XKR9: variants seen among roughly 807,000 people sequenced by gnomAD.
The protein encoded by XKR9 is XK-related protein 9.
Under a neutral mutation model 32.0 loss-of-function variants are expected in XKR9, and 32 were observed. The observed-to-expected ratio is 1.00, with a 90% CI of 0.76 to 1.34. XKR9 has a LOEUF of 1.34. Ranked by LOEUF, XKR9 falls within the 40% of genes most tolerant of loss-of-function variation. XKR9 has a pLI of 0.00. For synonymous variants in XKR9, 168 were observed against 143.4 expected (o/e 1.17, Z -1.22); for missense variants, 546 against 429.7 (o/e 1.27, Z -2.39).
At chr8:71,004,955 C>T in the XKR9 span, among the ~76,000 whole-genome samples, 2 of 149,542 alleles carry the variant, frequency 1.3e-5, no homozygotes, top group African/African-American at 4.9e-5. Context: ...TCAGTCTCCT[C>T]AGTAGCTAGG....
At chr8:70,970,348 T>G in the XKR9 span, among the ~76,000 whole-genome samples, 1 of 152,150 alleles carries the variant, frequency 6.6e-6, no homozygotes, top group African/African-American at 2.4e-5. Flanking sequence ...CTTTAAGTTC[T>G]GTGGTACATG....
the XKR9 span, among the ~76,000 whole-genome samples, chr8:70,841,067 G>A: frequency 1.3e-5 from 2 of 151,928 alleles, no homozygotes; most frequent in East Asian, 1.9e-4. Context: ...TGAAAAACAG[G>A]CTTTTGTTTT....
intron 2 of XKR9, among the ~76,000 whole-genome samples, chr8:70,782,085 G>T (rs1304721312): frequency 6.6e-6 from 1 of 152,150 alleles, no homozygotes; most frequent in Admixed American, 6.6e-5. Flanking sequence ...AAGTCCTGCA[G>T]AGGCTGTCAC....
chr8:70,673,290 C>G (rs969764728), intron 1 of XKR9, among the ~76,000 whole-genome samples: 2 of 152,178 alleles, frequency 1.3e-5, no homozygotes, highest in African/African-American at 4.8e-5. Flanking sequence ...CTTTCACTTG[C>G]ACTTTCCTTC....
At chr8:70,849,677 G>C in the XKR9 span, among the ~76,000 whole-genome samples, 1 of 152,122 alleles carries the variant, frequency 6.6e-6, no homozygotes, top group Non-Finnish European at 1.5e-5. Context: ...AATGAATCCA[G>C]GAGCTGGTTT....
Position 70,672,212 on chromosome 8 carries a change from A to G in XKR9, c.-360-2606A>G, listed in dbSNP as rs1208429759. Among the ~76,000 whole-genome samples, 2 of 71,986 alleles carry G rather than the reference A, an allele frequency of 2.8e-5. 1 individual carries two copies. The highest frequency in any genetic ancestry group is 7.3e-5 in the Non-Finnish European group (2 of 27,244). 47.2% of individuals were successfully genotyped at this position (71,986 alleles called of 152,430 possible). A position where few individuals can be genotyped will look rare whatever the true frequency, so the allele number is the denominator to read the frequency against. ...AATGACTTTCTTCACAGAATTGGAA[A>G]AAACTACTTTAAAGTTCATATGGAA... is the stretch of plus-strand genomic sequence containing the variant. On this transcript the variant is annotated intron_variant, in intron 1 of 4. Transcript: ENST00000408926.
Position 70,700,540 on chromosome 8 carries a change from G to A in XKR9, c.273-6393G>A, listed in dbSNP as rs143066999. Among the ~76,000 whole-genome samples the A allele has an allele frequency of 2.0e-3, 310 of 152,280 alleles. 2 individuals carry two copies. Among genetic ancestry groups the A allele is most frequent in the African/African-American group, 7.0e-3 (289 of 41,554 alleles). On this transcript the variant is annotated intron_variant, in intron 3 of 4. Transcript: ENST00000408926. ...ATGCTGCTGTCTGATCGTTCCTCTGGAAGTTTTGTCTCAGAAGAGTACCCA... is the reference window on the plus strand; with the variant it reads ...ATGCTGCTGTCTGATCGTTCCTCTGAAAGTTTTGTCTCAGAAGAGTACCCA...
At chr8:71,021,692 G>A in the XKR9 span, among the ~76,000 whole-genome samples, 3 of 151,794 alleles carry the variant, frequency 2.0e-5, no homozygotes, top group Non-Finnish European at 4.4e-5. Context: ...TAGTAGAGAC[G>A]GGGTTTCACC....
At chr8:70,703,927 A>G (rs954617308) in intron 3 of XKR9, among the ~76,000 whole-genome samples, 3 of 152,134 alleles carry the variant, frequency 2.0e-5, no homozygotes, top group African/African-American at 7.2e-5. Context: ...TCACGCCTGT[A>G]ATCCCAGCAC....
At chr8:70,884,542 AAT>A in the XKR9 span, among the ~76,000 whole-genome samples, 3 of 152,142 alleles carry the variant, frequency 2.0e-5, no homozygotes, top group Non-Finnish European at 2.9e-5. Flanking sequence ...ATTTTGAGTT[AAT>A]TTTTGTGAAA....
At chr8:70,723,478 G>A (rs1312311199) in intron 4 of XKR9, among the ~76,000 whole-genome samples, 1 of 152,168 alleles carries the variant, frequency 6.6e-6, no homozygotes, top group Non-Finnish European at 1.5e-5. Flanking sequence ...ATGACCTTTG[G>A]ATGTGGTTTT....
At chr8:70,835,307 C>T in the XKR9 span, among the ~76,000 whole-genome samples, 1 of 152,070 alleles carries the variant, frequency 6.6e-6, no homozygotes, top group Non-Finnish European at 1.5e-5. Context: ...AAAGCTCCTT[C>T]CACTAAGAAT....
At chr8:70,912,865 C>A in the XKR9 span, among the ~76,000 whole-genome samples, 1 of 152,134 alleles carries the variant, frequency 6.6e-6, no homozygotes, top group Non-Finnish European at 1.5e-5. Flanking sequence ...CTTAAAAAGT[C>A]TACTACATCT....
chr8:71,057,877 T>G, the XKR9 span, among the ~76,000 whole-genome samples: 1 of 152,298 alleles, frequency 6.6e-6, no homozygotes, highest in South Asian at 2.1e-4. Flanking sequence ...GGGAGTTATA[T>G]TTATCACTGT....
At chr8:70,820,986 CTTAA>C in the XKR9 span, among the ~76,000 whole-genome samples, 2 of 152,184 alleles carry the variant, frequency 1.3e-5, no homozygotes, top group South Asian at 2.1e-4. Flanking sequence ...CCCCCAAAGT[CTTAA>C]TTAATTCCAG....
chr8:70,947,298 A>G, the XKR9 span, among the ~76,000 whole-genome samples: 1 of 152,254 alleles, frequency 6.6e-6, no homozygotes, highest in Non-Finnish European at 1.5e-5. Flanking sequence ...CATACTGAGA[A>G]CAGTCCCTTC....
Position 70,734,229 on chromosome 8 carries a change from C to A in XKR9, c.927C>A (p.Pro309=). 1 of 1,612,986 alleles carries A rather than the reference C, an allele frequency of 6.2e-7. No homozygotes were observed. The highest frequency in any genetic ancestry group is 8.5e-7 in the Non-Finnish European group (1 of 1,179,434). Residue 309 remains proline, a synonymous_variant, in exon 5 of 5, where the codon CCC becomes CCA. Transcript: ENST00000408926. ...TATTGACTGTATTCTGGGTTTGCCC[C>A]CTCACTATTTTTAATCCAGACTATT... ...LGILTVFWVC[P]LTIFNPDYFI...
At chr8:70,955,303 T>C in the XKR9 span, among the ~76,000 whole-genome samples, 1 of 152,176 alleles carries the variant, frequency 6.6e-6, no homozygotes. Flanking sequence ...TTTGCTTGGT[T>C]CAGAAGGGCA....
chr8:70,957,190 A>G, the XKR9 span, among the ~76,000 whole-genome samples: 1 of 152,150 alleles, frequency 6.6e-6, no homozygotes, highest in Admixed American at 6.5e-5. Flanking sequence ...TTTTTTAGGA[A>G]TCTTGAGGAA....
Sources: gnomAD v4.1 joint callset for allele counts (sites outside exome capture counted in the v4.1 genomes callset) on GRCh38, gnomAD v4.1.1 for gene constraint, MANE v1.5 for transcripts, NCBI Gene and HGNC (gene_info 2026-07-23, HGNC 2026-07-21) for gene names.